PORCN: variants seen among roughly 807,000 people sequenced by gnomAD.
PORCN encodes the protein protein-serine O-palmitoleoyltransferase porcupine.
In PORCN, 1 loss-of-function variant was observed where a neutral mutation model predicts 43.0. The observed-to-expected ratio is 0.02, with a 90% CI of 0.01 to 0.11. The LOEUF is 0.11. Among genes scored for constraint, PORCN ranks in the 10% least tolerant of loss-of-function variants. The probability of loss-of-function intolerance (pLI) is 1.00; values close to 1 mark genes in which losing one functional copy is unlikely to be tolerated. For missense variants in PORCN, 240 were observed against 392.1 expected (o/e 0.61, Z 3.28); for synonymous variants, 148 against 166.4 (o/e 0.89, Z 0.85).
chrX:48,515,671 TG>T (rs782616726), intron 10 of PORCN, 45 bp from the exon 11 acceptor site: 3 of 1,084,493 alleles, frequency 2.8e-6, no homozygotes, highest in East Asian at 6.0e-5. Flanking sequence ...CAGGAGGGGC[TG>T]GGGGACTTTC....
chrX:48,512,169 T>C, intron 4 of PORCN, 157 bp from the exon 5 acceptor site: 3 of 604,916 alleles, frequency 5.0e-6, no homozygotes, highest in Non-Finnish European at 5.4e-6. Context: ...AGGGCATCTA[T>C]CTGTCCTGGG....
Position 48,509,963 on chromosome X carries a change from G to A in PORCN, c.136+7G>A, listed in dbSNP as rs782623565. ...CGCCTCCTCTGGAGGCTCGGTAAGT[G>A]CCTGCCATACCGTGTGCCACCATGC... is the stretch of plus-strand genomic sequence containing the variant. On this transcript the variant is annotated splice_region_variant and intron_variant, in intron 2 of 14. Transcript: ENST00000326194. 4.7e-5 allele frequency: 55 copies of A among 1,180,608 alleles called. No homozygotes were observed. Among genetic ancestry groups the A allele is most frequent in the Non-Finnish European group, 6.1e-5 (53 of 871,049 alleles).
intron 14 of PORCN, 80 bp downstream of exon 14, chrX:48,517,373 G>A (rs2061726284): frequency 5.6e-6 from 4 of 713,870 alleles, no homozygotes; most frequent in Admixed American, 5.3e-5. Context: ...CAAAGGCTGG[G>A]AAGCTGAGGC....
chrX:48,514,836 A>AT (rs1184111560), intron 10 of PORCN, among the ~76,000 whole-genome samples: 12 of 111,620 alleles, frequency 1.1e-4, no homozygotes, highest in African/African-American at 3.9e-4. Flanking sequence ...AAAAAAAAAA[A>AT]TTTTTAAAAA....
chrX:48,511,047 C>T (rs2061671541), intron 2 of PORCN, among the ~76,000 whole-genome samples: 1 of 111,886 alleles, frequency 8.9e-6, no homozygotes, highest in Non-Finnish European at 1.9e-5. Flanking sequence ...TAAACCCAGG[C>T]CCTGCCACCC....
intron 7 of PORCN, 131 bp downstream of exon 7, chrX:48,512,983 T>C (rs1284541091): frequency 2.4e-6 from 2 of 841,314 alleles, no homozygotes; most frequent in Non-Finnish European, 3.5e-6. Context: ...AGACTGTGGT[T>C]GGCTGGCTGG....
chrX:48,513,429 G>T (rs1424884459), intron 7 of PORCN, among the ~76,000 whole-genome samples: 2 of 112,131 alleles, frequency 1.8e-5, no homozygotes, highest in African/African-American at 3.2e-5. Flanking sequence ...TAGCTGAGGG[G>T]TTGTACCCGA....
At chrX:48,511,748 C>A in intron 3 of PORCN, 144 bp from the exon 4 acceptor site, 1 of 613,441 alleles carries the variant, frequency 1.6e-6, no homozygotes. Context: ...GAGGAGGGAG[C>A]CTGGGAGAAT....
At chrX:48,509,363 C>A in intron 1 of PORCN, 1 of 343,959 alleles carries the variant, frequency 2.9e-6, no homozygotes, top group Non-Finnish European at 4.6e-6. Context: ...CGCATCCATA[C>A]AAGGAGAGAT....
intron 14 of PORCN, among the ~76,000 whole-genome samples, chrX:48,519,939 G>A (rs2061747158): frequency 8.9e-6 from 1 of 112,382 alleles, no homozygotes; most frequent in Non-Finnish European, 1.9e-5. Flanking sequence ...AGAGGTTGCA[G>A]TGAGCTCAGA....
chrX:48,512,003 A>G, intron 4 of PORCN, 68 bp downstream of exon 4: 2 of 791,369 alleles, frequency 2.5e-6, no homozygotes, highest in East Asian at 6.9e-5. Flanking sequence ...AACTGCCCCC[A>G]CCCTGTGCCT....
intron 2 of PORCN, 37 bp downstream of exon 2, chrX:48,509,993 C>T: frequency 9.6e-7 from 1 of 1,039,059 alleles, no homozygotes; most frequent in Non-Finnish European, 1.3e-6. Flanking sequence ...CCATGCCAGG[C>T]CATATCAGAC....
rs45453692 is a variant in PORCN at position 48,512,165 on chromosome X, T to C, written c.374-161T>C. 5,056 of 589,209 alleles carry C rather than the reference T, an allele frequency of 8.6e-3. 27 individuals carry two copies. The highest frequency in any genetic ancestry group is 0.012 in the Non-Finnish European group (4,235 of 355,059). The allele number at this position is 589,209 out of a possible 1,213,427, so 48.6% of individuals were successfully genotyped here. ...TGCCTGACTCTCTGGAGTAAGGGCA[T>C]CTATCTGTCCTGGGCTTCCTTGCCC... On this transcript the variant is annotated intron_variant, in intron 4 of 14. Transcript: ENST00000326194.
intron 10 of PORCN, among the ~76,000 whole-genome samples, 200 bp downstream of exon 10, chrX:48,514,825 TA>T (rs1157208850): frequency 1.6e-4 from 17 of 108,550 alleles, no homozygotes; most frequent in East Asian, 1.1e-3. Flanking sequence ...GTGCTATGGT[TA>T]AAAAAAAAAA....
rs1200939223 is a variant in PORCN, at chrX:48,511,197, CCTCTCTCT to C, written c.137-94_137-87del. On this transcript the variant is annotated intron_variant, in intron 2 of 14. Coordinates refer to ENST00000326194, the MANE Select transcript of PORCN (RefSeq NM_203475.3). Reference sequence around the variant, plus strand: ...CACCAACCTTCTCTTTCTTGTTCTCCCTCTCTCTCTCCCTCCCTCCCTCCCTTCCTCCC... The same window carrying C: ...CACCAACCTTCTCTTTCTTGTTCTCCCTCCCTCCCTCCCTCCCTTCCTCCC... The C allele has an allele frequency of 6.1e-6, 4 of 654,202 alleles. No homozygotes were observed. The African/African-American group carries it at 8.9e-5, about 15-fold the overall frequency. The allele number at this position is 654,202 out of a possible 1,213,427, so 53.9% of individuals were successfully genotyped here. A position where few individuals can be genotyped will look rare whatever the true frequency, so the allele number is the denominator to read the frequency against.
chrX:48,516,211 T>C, intron 13 of PORCN, 65 bp downstream of exon 13: 1 of 1,000,694 alleles, frequency 1.0e-6, no homozygotes, highest in Non-Finnish European at 1.4e-6. Context: ...CTTCTATCTC[T>C]ATCTTGTATG....
Position 48,512,423 on chromosome X carries a change from C to G in PORCN, c.471C>G (p.Gly157=). The part of the protein sequence containing the change: ...GTVPSPVEFM[G]YLYFVGTIVF... ...TGCCCTCGCCAGTGGAGTTCATGGG[C>G]TACCTCTACTTCGTGGGCACCATCG... The change falls in exon 5 of 15, where the codon GGC becomes GGG. Residue 157 remains glycine, a synonymous_variant. Coordinates refer to ENST00000326194, the MANE Select transcript of PORCN (RefSeq NM_203475.3). The G allele has an allele frequency of 8.3e-7, 1 of 1,211,438 alleles. No homozygotes were observed. Among genetic ancestry groups the G allele is most frequent in the Non-Finnish European group, 1.1e-6 (1 of 895,240 alleles).
chrX:48,512,939 A>G, intron 7 of PORCN, 87 bp downstream of exon 7: 3 of 1,103,114 alleles, frequency 2.7e-6, no homozygotes, highest in East Asian at 3.0e-5. Flanking sequence ...TGTGTGTCCA[A>G]GTGTGTCTGA....
intron 3 of PORCN, 47 bp downstream of exon 3, chrX:48,511,534 G>T (rs2061675749): frequency 1.8e-6 from 2 of 1,112,708 alleles, no homozygotes; most frequent in Non-Finnish European, 2.5e-6. Context: ...GAAGTGCATG[G>T]GTGGGTCCCC....
Sources: gnomAD v4.1 joint callset for allele counts (sites outside exome capture counted in the v4.1 genomes callset) on GRCh38, gnomAD v4.1.1 for gene constraint, MANE v1.5 for transcripts, NCBI Gene and HGNC (gene_info 2026-07-23, HGNC 2026-07-21) for gene names.